VPS8: variants seen among roughly 807,000 people sequenced by gnomAD.
VPS8 encodes the protein vacuolar protein sorting-associated protein 8 homolog.
A neutral mutation model predicts 216.4 loss-of-function variants in VPS8; 129 were observed. The ratio of observed to expected loss-of-function variants is 0.60; its 90% CI spans 0.52 to 0.69. The LOEUF (loss-of-function observed/expected upper bound fraction) is 0.69. VPS8 is among the 30% of genes least tolerant of loss of function. The pLI is 0.00. For synonymous variants in VPS8, 571 were observed against 565.4 expected (o/e 1.01, Z -0.14); for missense variants, 1,531 against 1,683.5 (o/e 0.91, Z 1.59).
chr3:184,887,281 A>T lies in VPS8; in HGVS notation c.1781+1125A>T, dbSNP rs989795638. 4.6e-5 allele frequency among the ~76,000 whole-genome samples: 7 copies of T among 152,328 alleles called. No individual in the cohort carries two copies. In the East Asian group the frequency reaches 1.2e-3, roughly 25 times the overall value. ...AGGATCGTTTGAGCGCAGGAAGTCA[A>T]GGCTGCAGCAAGCCATGATTGCACC... On this transcript the variant is annotated intron_variant, in intron 22 of 47. Transcript: ENST00000625842.
chr3:184,838,925 T>G (rs985854096), intron 6 of VPS8, 179 bp downstream of exon 6: 4 of 514,240 alleles, frequency 7.8e-6, no homozygotes, highest in Non-Finnish European at 1.3e-5. Flanking sequence ...TTTTCCTAAT[T>G]TTTTGTTACT....
At position 185,044,662 on chromosome 3, in the gene VPS8, G is replaced by A. The variant is rs544812111; in HGVS notation, c.4057-3817G>A. Among the ~76,000 whole-genome samples the A allele has an allele frequency of 4.6e-5, 7 of 152,056 alleles. No homozygotes were observed. The South Asian group carries it at 6.3e-4, about 14-fold the overall frequency. ...TCTGTCTCTGTGGCCTCAAGCACTC[G>A]CCTCCCTTAGAACTGCTCATTCTAG... On this transcript the variant is annotated intron_variant, in intron 46 of 47. Coordinates refer to ENST00000625842, the MANE Select transcript of VPS8 (RefSeq NM_001009921.3).
At chr3:184,905,397 A>G (rs1735309654) in intron 25 of VPS8, among the ~76,000 whole-genome samples, 1 of 152,164 alleles carries the variant, frequency 6.6e-6, no homozygotes, top group Non-Finnish European at 1.5e-5. Context: ...TGTTGATAGT[A>G]TTCCTTTGTA....
At chr3:184,865,556 C>T (rs1577969271) in intron 16 of VPS8, among the ~76,000 whole-genome samples, 1 of 152,090 alleles carries the variant, frequency 6.6e-6, no homozygotes, top group East Asian at 1.9e-4. Context: ...CTGCTTCACA[C>T]CCACTGGGAA....
intron 36 of VPS8, among the ~76,000 whole-genome samples, chr3:184,950,199 C>T (rs1195368487): frequency 8.8e-5 from 11 of 124,794 alleles, no homozygotes; most frequent in South Asian, 3.3e-4. Context: ...TGAGCAACCA[C>T]GCCCAGCAGT....
chr3:184,886,685 T>G (rs972582096), intron 22 of VPS8, among the ~76,000 whole-genome samples: 1 of 152,032 alleles, frequency 6.6e-6, no homozygotes, highest in Non-Finnish European at 1.5e-5. Context: ...GTTCAAGAGA[T>G]TCTCCTGCCT....
At chr3:185,012,209 T>G (rs1175455542) in intron 45 of VPS8, among the ~76,000 whole-genome samples, 1 of 148,924 alleles carries the variant, frequency 6.7e-6, no homozygotes, top group Non-Finnish European at 1.5e-5. Context: ...TATAGCTATA[T>G]CTATATTTTA....
intron 45 of VPS8, among the ~76,000 whole-genome samples, chr3:185,023,678 A>T (rs112083855): frequency 0.019 from 2,696 of 145,640 alleles, 69 homozygotes; most frequent in African/African-American, 0.057. Context: ...ATAAATAATT[A>T]AAAAAAAAAT....
At chr3:185,041,890 A>T (rs1711723138) in intron 46 of VPS8, among the ~76,000 whole-genome samples, 1 of 152,184 alleles carries the variant, frequency 6.6e-6, no homozygotes, top group South Asian at 2.1e-4. Flanking sequence ...ACAGTATCAA[A>T]CATTGGATTG....
intron 35 of VPS8, among the ~76,000 whole-genome samples, chr3:184,939,345 T>C (rs1268248044): frequency 1.3e-5 from 2 of 151,960 alleles, no homozygotes; most frequent in Non-Finnish European, 2.9e-5. Flanking sequence ...TATATTAATC[T>C]TTTTCATCTT....
chr3:184,948,715 G>T (rs1262825257), intron 36 of VPS8, among the ~76,000 whole-genome samples: 2 of 152,162 alleles, frequency 1.3e-5, no homozygotes, highest in African/African-American at 4.8e-5. Context: ...GCAAGGCTGG[G>T]AACCATGTAG....
chr3:184,852,520 T>TGA lies in VPS8; in HGVS notation c.775_776insAG (p.Ala259GlufsTer14), dbSNP rs1252777009. The TGA allele has an allele frequency of 6.2e-7, 1 of 1,613,666 alleles. No individual in the cohort carries two copies. On this transcript the variant is annotated frameshift_variant, in exon 11 of 48. Transcript: ENST00000625842. LOFTEE classifies it high-confidence loss of function. ...TTTAGTTTACAGATGATCCAACTCT[T>TGA]GCAATTTGCAACGACAGCGGAGGCT...
At chr3:185,010,574 T>G (rs192969933) in intron 45 of VPS8, among the ~76,000 whole-genome samples, 239 of 152,072 alleles carry the variant, frequency 1.6e-3, no homozygotes, top group Non-Finnish European at 2.5e-3. Flanking sequence ...ATCTAGAGAT[T>G]AAAACTACAA....
intron 33 of VPS8, among the ~76,000 whole-genome samples, chr3:184,930,185 A>G (rs1740436022): frequency 6.6e-6 from 1 of 152,238 alleles, no homozygotes; most frequent in African/African-American, 2.4e-5. Context: ...GGGAATGTGG[A>G]CAATGGGATC....
chr3:185,032,962 C>T (rs1186121828), intron 46 of VPS8, among the ~76,000 whole-genome samples: 2 of 152,140 alleles, frequency 1.3e-5, no homozygotes, highest in South Asian at 2.1e-4. Context: ...CCACCCCGCC[C>T]GGCCCCTTTA....
At chr3:184,867,014 T>C in intron 17 of VPS8, 64 bp downstream of exon 17, 1 of 1,500,962 alleles carries the variant, frequency 6.7e-7, no homozygotes, top group Non-Finnish European at 9.2e-7. Context: ...CTGAAGGAGA[T>C]TGCTGGTAAA....
At chr3:185,042,397 G>A (rs574605043) in intron 46 of VPS8, among the ~76,000 whole-genome samples, 1 of 152,290 alleles carries the variant, frequency 6.6e-6, no homozygotes, top group African/African-American at 2.4e-5. Flanking sequence ...AGATCTTCCT[G>A]TACTGACAAA....
intron 36 of VPS8, among the ~76,000 whole-genome samples, chr3:184,940,919 A>T (rs1237744334): frequency 1.3e-5 from 2 of 152,238 alleles, no homozygotes; most frequent in South Asian, 4.1e-4. Flanking sequence ...ACTCTTGACT[A>T]GTAGTGTGCA....
chr3:184,939,634 A>ACT (rs1742295963), intron 35 of VPS8, among the ~76,000 whole-genome samples: 1 of 152,098 alleles, frequency 6.6e-6, no homozygotes, highest in African/African-American at 2.4e-5. Context: ...GTAAGTGAGT[A>ACT]AATGGCAAAA....
Sources: gnomAD v4.1 joint callset for allele counts (sites outside exome capture counted in the v4.1 genomes callset) on GRCh38, gnomAD v4.1.1 for gene constraint, MANE v1.5 for transcripts, NCBI Gene and HGNC (gene_info 2026-07-23, HGNC 2026-07-21) for gene names.